Variants in PTMA observed in about 807,000 individuals in gnomAD.
The protein encoded by PTMA is gene sequence 28.
PTMA carries 4 observed loss-of-function variants against 16.9 expected under a neutral mutation model. The observed-to-expected ratio is 0.24, with a 90% CI of 0.12 to 0.54. PTMA has a LOEUF of 0.54. Among genes scored for constraint, PTMA ranks in the 20% least tolerant of loss-of-function variants. The pLI is 0.95. For missense variants in PTMA, 120 were observed against 137.7 expected, an observed-to-expected ratio of 0.87 and a Z score of 0.64; for synonymous variants, 58 against 47.9, an observed-to-expected ratio of 1.21 and a Z score of -0.87.
Position 231,711,331 on chromosome 2 carries a change from C to A in PTMA, c.46-17C>A. On this transcript the variant is annotated splice_polypyrimidine_tract_variant and intron_variant, in intron 1 of 4. Transcript: ENST00000409115. Reference sequence around the variant, plus strand: ...CAGAAGACTTACTGGTTACTGGTTCCTTCTTCCCTTTTGAAGGACTTAAAG... The same window carrying A: ...CAGAAGACTTACTGGTTACTGGTTCATTCTTCCCTTTTGAAGGACTTAAAG... The A allele has an allele frequency of 1.2e-6, 2 of 1,611,584 alleles. No homozygotes were observed. Among genetic ancestry groups the A allele is most frequent in the Non-Finnish European group, 1.7e-6 (2 of 1,177,736 alleles).
chr2:231,708,774 C>A, intron 1 of PTMA, 23 bp downstream of exon 1: 1 of 1,598,706 alleles, frequency 6.3e-7, no homozygotes. Flanking sequence ...GCCGCCCGCC[C>A]CCTCGGGGTC....
At chr2:231,708,878 G>A (rs147358606) in intron 1 of PTMA, 127 bp downstream of exon 1, 17,029 of 1,182,218 alleles carry the variant, frequency 0.014, 192 homozygotes, top group Non-Finnish European at 0.016. Flanking sequence ...GCCCGCCCCC[G>A]GCGCGGTGCC....
intron 1 of PTMA, 79 bp downstream of exon 1, chr2:231,708,830 G>T: frequency 2.7e-6 from 4 of 1,506,484 alleles, no homozygotes; most frequent in Non-Finnish European, 3.6e-6. Context: ...CAGCTGGACT[G>T]TCTCAAGCCC....
At position 231,711,841 on chromosome 2, in the gene PTMA, C is replaced by G. The variant is rs369887937; in HGVS notation, c.118-49C>G. On this transcript the variant is annotated intron_variant, in intron 2 of 4. Coordinates refer to ENST00000409115, the MANE Select transcript of PTMA (RefSeq NM_002823.5). Reference sequence around the variant, plus strand: ...CCGGGCATCAGGAGCAACGCTCTGTCCAGCCTGGGGCCAGCTGGTAATGAC... The same window carrying G: ...CCGGGCATCAGGAGCAACGCTCTGTGCAGCCTGGGGCCAGCTGGTAATGAC... The G allele has an allele frequency of 4.1e-5, 66 of 1,608,116 alleles. 1 individual carries two copies. Among genetic ancestry groups the G allele is most frequent in the Non-Finnish European group, 4.2e-6 (5 of 1,178,374 alleles).
At chr2:231,708,821 A>G (rs2048474245) in intron 1 of PTMA, 70 bp downstream of exon 1, 1 of 1,543,946 alleles carries the variant, frequency 6.5e-7, no homozygotes, top group Non-Finnish European at 8.8e-7. Flanking sequence ...GGCGCGCAGC[A>G]GCTGGACTGT....
At chr2:231,710,617 G>A (rs1022320465) in intron 1 of PTMA, 4 of 475,068 alleles carry the variant, frequency 8.4e-6, no homozygotes, top group African/African-American at 4.2e-5. Context: ...TGTGGAAAAA[G>A]TTACCGGGCG....
chr2:231,708,687 G>A lies in PTMA; in HGVS notation c.-20G>A. 1 of 1,601,828 alleles carries A rather than the reference G, an allele frequency of 6.2e-7. No individual in the cohort carries two copies. Among genetic ancestry groups the A allele is most frequent in the Non-Finnish European group, 8.5e-7 (1 of 1,179,580 alleles). ...GCTTTCTTTTTAATCCCCTGCATCGGATCACCGGCGTGCCCCACCATGTCA... is the reference window on the plus strand; with the variant it reads ...GCTTTCTTTTTAATCCCCTGCATCGAATCACCGGCGTGCCCCACCATGTCA... On this transcript the variant is annotated 5_prime_UTR_variant, in exon 1 of 5. Coordinates refer to ENST00000409115, the MANE Select transcript of PTMA (RefSeq NM_002823.5).
chr2:231,710,793 A>G, intron 1 of PTMA: 1 of 319,518 alleles, frequency 3.1e-6, no homozygotes, highest in Admixed American at 4.8e-5. Flanking sequence ...CAGCGGTCGG[A>G]TTTGGGGGGT....
intron 3 of PTMA, 75 bp downstream of exon 3, chr2:231,712,058 A>G: frequency 3.9e-6 from 6 of 1,544,338 alleles, no homozygotes; most frequent in Non-Finnish European, 5.2e-6. Context: ...GAAGGAAGGA[A>G]TTGGGGCTCC....
Position 231,711,940 on chromosome 2 carries a change from G to A in PTMA, c.168G>A (p.Glu56=), listed in dbSNP as rs573568140. 4 of 1,599,530 alleles carry A rather than the reference G, an allele frequency of 2.5e-6. No individual in the cohort carries two copies. In the East Asian group the frequency reaches 6.8e-5, roughly 27 times the overall value. Residue 56 remains glutamate (E), a synonymous_variant, in exon 3 of 5, where the codon GAG becomes GAA. Transcript: ENST00000409115. ...CTGACAATGAGGTAGACGAAGAAGA[G>A]GAAGAAGGTGGGGAGGAAGAGGAGG... ...QEADNEVDEE[E]EEGGEEEEEE...
chr2:231,712,171 CCACTCACACT>C lies in PTMA; in HGVS notation c.211+194_211+203del, dbSNP rs1192355429. 2.6e-5 allele frequency among the ~76,000 whole-genome samples: 4 copies of C among 152,272 alleles called. No individual in the cohort carries two copies. In the South Asian group the frequency reaches 8.3e-4, roughly 32 times the overall value. Reference sequence around the variant, plus strand: ...CCCTGACATGGAGTTGTGCCCATGCCCACTCACACTCACTCGCACACCTGAAAGTTTCTTT... The same window carrying C: ...CCCTGACATGGAGTTGTGCCCATGCCCACTCGCACACCTGAAAGTTTCTTT... On this transcript the variant is annotated intron_variant, in intron 3 of 4. Coordinates refer to ENST00000409115, the MANE Select transcript of PTMA (RefSeq NM_002823.5).
chr2:231,712,289 A>G (rs1443826026), intron 3 of PTMA, among the ~76,000 whole-genome samples, 154 bp from the exon 4 acceptor site: 3 of 152,154 alleles, frequency 2.0e-5, no homozygotes, highest in Admixed American at 6.5e-5. Context: ...GGAGAGTCCC[A>G]CCTGTGTAGT....
intron 1 of PTMA, chr2:231,710,363 C>A (rs1415492912): frequency 8.3e-7 from 1 of 1,202,986 alleles, no homozygotes; most frequent in Non-Finnish European, 1.0e-6. Context: ...GTGCCGAGGC[C>A]CGCGCGCAAA....
At chr2:231,710,283 C>A in intron 1 of PTMA, 1 of 1,292,882 alleles carries the variant, frequency 7.7e-7, no homozygotes. Flanking sequence ...GCTCTGCCTG[C>A]CGGCCGGGAG....
intron 1 of PTMA, among the ~76,000 whole-genome samples, chr2:231,709,404 AGT>A (rs1387736658): frequency 3.3e-5 from 5 of 152,084 alleles, no homozygotes; most frequent in African/African-American, 1.2e-4. Context: ...CTTCGAGGTG[AGT>A]GCGCCGGGAG....
intron 1 of PTMA, chr2:231,710,800 G>A: frequency 3.1e-6 from 1 of 317,598 alleles, no homozygotes; most frequent in South Asian, 2.3e-5. Context: ...CGGATTTGGG[G>A]GGTCGGTGTG....
At chr2:231,710,157 C>A in intron 1 of PTMA, 1 of 1,270,092 alleles carries the variant, frequency 7.9e-7, no homozygotes. Context: ...GGGGCGACCT[C>A]CCGTGGGACT....
At position 231,713,408 on chromosome 2, in the gene PTMA, T is replaced by C; in HGVS notation, c.*557T>C. ...ATGAGATGGTTAAAAAGGCCAAAGA[T>C]AAAAGGTTTCTTTTTTTTTCCTTTT... On this transcript the variant is annotated 3_prime_UTR_variant, in exon 5 of 5. Transcript: ENST00000409115. 2 of 511,220 alleles carry C rather than the reference T, an allele frequency of 3.9e-6. No homozygotes were observed. The highest frequency in any genetic ancestry group is 7.9e-6 in the Non-Finnish European group (2 of 253,616). The allele number at this position is 511,220 out of a possible 1,614,324, so 31.7% of individuals were successfully genotyped here. A position where few individuals can be genotyped will look rare whatever the true frequency, so the allele number is the denominator to read the frequency against.
At position 231,708,687 on chromosome 2, in the gene PTMA, G is replaced by C; in HGVS notation, c.-20G>C. The C allele has an allele frequency of 6.2e-7, 1 of 1,601,828 alleles. No individual in the cohort carries two copies. Among genetic ancestry groups the C allele is most frequent in the Non-Finnish European group, 8.5e-7 (1 of 1,179,580 alleles). The stretch of plus-strand genomic sequence containing the variant: ...GCTTTCTTTTTAATCCCCTGCATCG[G>C]ATCACCGGCGTGCCCCACCATGTCA... On this transcript the variant is annotated 5_prime_UTR_variant, in exon 1 of 5. Transcript: ENST00000409115.
Sources: allele counts gnomAD v4.1 joint callset (sites outside exome capture counted in the v4.1 genomes callset), GRCh38; gene constraint gnomAD v4.1.1; transcripts MANE v1.5; gene names NCBI Gene and HGNC (gene_info 2026-07-23, HGNC 2026-07-21).